ST6GALNAC3: variants seen among roughly 807,000 people sequenced by gnomAD.
ST6GALNAC3 encodes the protein ST6 N-acetylgalactosaminide alpha-2,6-sialyltransferase 3.
Under a neutral mutation model 32.7 loss-of-function variants are expected in ST6GALNAC3, and 25 were observed. The ratio of observed to expected loss-of-function variants is 0.76; its 90% CI spans 0.56 to 1.07. The LOEUF is 1.07. ST6GALNAC3 is among the 50% of genes least tolerant of loss of function. The pLI is 0.00. For synonymous variants in ST6GALNAC3, 129 were observed against 133.1 expected, an observed-to-expected ratio of 0.97 and a Z score of 0.21; for missense variants, 355 against 382.4, an observed-to-expected ratio of 0.93 and a Z score of 0.60.
At chr1:76,205,573 C>T (rs1447111970) in intron 1 of ST6GALNAC3, among the ~76,000 whole-genome samples, 1 of 152,114 alleles carries the variant, frequency 6.6e-6, no homozygotes, top group African/African-American at 2.4e-5. Context: ...GTTTTGTCCC[C>T]TTAGGCATCC....
intron 1 of ST6GALNAC3, among the ~76,000 whole-genome samples, chr1:76,281,919 A>G (rs988510346): frequency 6.6e-6 from 1 of 152,160 alleles, no homozygotes; most frequent in Admixed American, 6.5e-5. Flanking sequence ...TGTAGTGGGC[A>G]CTTCTATGCA....
chr1:76,461,105 C>T (rs149607560), intron 3 of ST6GALNAC3, among the ~76,000 whole-genome samples: 222 of 152,256 alleles, frequency 1.5e-3, no homozygotes, highest in African/African-American at 5.0e-3. Flanking sequence ...GAAATGGAAT[C>T]CTGGGAGTGC....
intron 1 of ST6GALNAC3, among the ~76,000 whole-genome samples, chr1:76,135,661 G>A (rs1362284944): frequency 2.0e-5 from 3 of 152,094 alleles, no homozygotes; most frequent in African/African-American, 4.8e-5. Context: ...ATGTTGTGAC[G>A]CAAATCGAAC....
intron 2 of ST6GALNAC3, among the ~76,000 whole-genome samples, chr1:76,387,122 A>G (rs1441329197): frequency 3.3e-5 from 5 of 152,202 alleles, no homozygotes; most frequent in African/African-American, 9.6e-5. Flanking sequence ...GGAGAGACTC[A>G]GCAATAAATT....
At chr1:76,130,395 G>A (rs1449927067) in intron 1 of ST6GALNAC3, among the ~76,000 whole-genome samples, 2 of 152,172 alleles carry the variant, frequency 1.3e-5, no homozygotes, top group African/African-American at 4.8e-5. Flanking sequence ...TCTCCATGGG[G>A]TGGGTGGCTG....
At chr1:76,568,015 A>C (rs1389907397) in intron 3 of ST6GALNAC3, among the ~76,000 whole-genome samples, 1 of 152,234 alleles carries the variant, frequency 6.6e-6, no homozygotes, top group African/African-American at 2.4e-5. Context: ...AAGAGGCTTT[A>C]AAAATTAAAG....
At chr1:76,174,946 G>C (rs1160615560) in intron 1 of ST6GALNAC3, among the ~76,000 whole-genome samples, 1 of 152,042 alleles carries the variant, frequency 6.6e-6, no homozygotes, top group Non-Finnish European at 1.5e-5. Flanking sequence ...GGGATTACAG[G>C]CATGACCAAC....
intron 1 of ST6GALNAC3, among the ~76,000 whole-genome samples, chr1:76,100,215 G>A (rs1647195707): frequency 6.6e-6 from 1 of 151,882 alleles, no homozygotes; most frequent in South Asian, 2.1e-4. Context: ...TTCTTTTCTA[G>A]TTGTGTTATC....
At chr1:76,422,921 T>A (rs987274895) in intron 3 of ST6GALNAC3, among the ~76,000 whole-genome samples, 12 of 152,128 alleles carry the variant, frequency 7.9e-5, no homozygotes, top group Admixed American at 5.9e-4. Flanking sequence ...TTCACTTTCT[T>A]AAGATCTTGC....
chr1:76,372,855 T>C (rs1251827812), intron 2 of ST6GALNAC3, among the ~76,000 whole-genome samples: 2 of 152,322 alleles, frequency 1.3e-5, no homozygotes, highest in South Asian at 2.1e-4. Flanking sequence ...ACAAAAGGGA[T>C]AGAAGTCAGT....
intron 3 of ST6GALNAC3, among the ~76,000 whole-genome samples, chr1:76,602,941 A>C (rs958137739): frequency 9.9e-5 from 15 of 152,156 alleles, no homozygotes; most frequent in African/African-American, 3.6e-4. Context: ...GAGGCATTTC[A>C]CAGAAGAAGA....
intron 3 of ST6GALNAC3, among the ~76,000 whole-genome samples, chr1:76,616,833 G>A (rs1484595525): frequency 3.3e-5 from 5 of 152,092 alleles, no homozygotes; most frequent in East Asian, 1.9e-4. Flanking sequence ...GTTTATTTCC[G>A]GAAGTATTAA....
chr1:76,336,484 G>T (rs1307639082), intron 2 of ST6GALNAC3, among the ~76,000 whole-genome samples: 2 of 152,140 alleles, frequency 1.3e-5, no homozygotes, highest in Non-Finnish European at 2.9e-5. Flanking sequence ...CGGTGGCATT[G>T]ATGGAATCTG....
chr1:76,200,883 C>G (rs991639368), intron 1 of ST6GALNAC3, among the ~76,000 whole-genome samples: 1 of 151,836 alleles, frequency 6.6e-6, no homozygotes, highest in Non-Finnish European at 1.5e-5. Context: ...GGAGTGGGGA[C>G]CAGAAACGCC....
At chr1:76,351,454 A>T (rs1648971918) in intron 2 of ST6GALNAC3, among the ~76,000 whole-genome samples, 1 of 152,200 alleles carries the variant, frequency 6.6e-6, no homozygotes, top group African/African-American at 2.4e-5. Flanking sequence ...TTTTTTTAGT[A>T]TAAAGACTAT....
downstream of ST6GALNAC3, among the ~76,000 whole-genome samples, chr1:76,635,397 A>G (rs927647716): frequency 2.6e-5 from 4 of 152,220 alleles, no homozygotes; most frequent in African/African-American, 9.6e-5. Context: ...TGCCAGGCTT[A>G]TTAAAGGGCT....
chr1:76,264,420 A>G (rs567059967), intron 1 of ST6GALNAC3, among the ~76,000 whole-genome samples: 1 of 152,336 alleles, frequency 6.6e-6, no homozygotes, highest in East Asian at 1.9e-4. Context: ...CACGTCTGCC[A>G]TATGCACTTA....
At chr1:76,228,597 A>T (rs1181530397) in intron 1 of ST6GALNAC3, among the ~76,000 whole-genome samples, 1 of 152,158 alleles carries the variant, frequency 6.6e-6, no homozygotes, top group Non-Finnish European at 1.5e-5. Context: ...ACCTGGTAGG[A>T]AGCGGGTCTC....
At chr1:76,306,688 G>A (rs1364248886) in intron 1 of ST6GALNAC3, among the ~76,000 whole-genome samples, 1 of 134,420 alleles carries the variant, frequency 7.4e-6, no homozygotes, top group Non-Finnish European at 1.6e-5. Flanking sequence ...TTGGGGGGCG[G>A]GGGGTGCAGA....
Sources: gnomAD v4.1 joint callset for allele counts (sites outside exome capture counted in the v4.1 genomes callset) on GRCh38, gnomAD v4.1.1 for gene constraint, MANE v1.5 for transcripts, NCBI Gene and HGNC (gene_info 2026-07-23, HGNC 2026-07-21) for gene names.